Variants in NEGR1 observed in about 807,000 individuals in gnomAD.
NEGR1 encodes IgLON family member 4.
Under a neutral mutation model 40.9 loss-of-function variants are expected in NEGR1, and 10 were observed. That is an observed-to-expected ratio of 0.24 (90% CI 0.15 to 0.42). The LOEUF (loss-of-function observed/expected upper bound fraction) is 0.42, where lower values mean the gene tolerates loss of function less well. Ranked by LOEUF, NEGR1 falls within the 10% of genes least tolerant of loss-of-function variation. The pLI, the probability that NEGR1 is intolerant of heterozygous loss-of-function variation, is 1.00. For synonymous variants in NEGR1, 185 were observed against 166.8 expected (o/e 1.11, Z -0.84); for missense variants, 352 against 438.9 (o/e 0.80, Z 1.77).
At chr1:71,576,261 T>TG (rs1557573098) in intron 6 of NEGR1, among the ~76,000 whole-genome samples, 1 of 152,230 alleles carries the variant, frequency 6.6e-6, no homozygotes, top group African/African-American at 2.4e-5. Flanking sequence ...TTGGGTTTTT[T>TG]TTGTTGTTGT....
chr1:71,739,978 A>G (rs1307786363), intron 3 of NEGR1, among the ~76,000 whole-genome samples: 1 of 152,200 alleles, frequency 6.6e-6, no homozygotes, highest in Non-Finnish European at 1.5e-5. Flanking sequence ...ACTCCACTCC[A>G]GACATTCTTC....
intron 1 of NEGR1, among the ~76,000 whole-genome samples, chr1:72,276,517 A>C (rs2100566015): frequency 6.6e-6 from 1 of 152,290 alleles, no homozygotes; most frequent in South Asian, 2.1e-4. Context: ...TAAGAACGTT[A>C]TATATTTTCC....
chr1:71,887,258 G>A (rs1037041677), intron 2 of NEGR1, among the ~76,000 whole-genome samples: 6 of 152,140 alleles, frequency 3.9e-5, no homozygotes, highest in African/African-American at 1.4e-4. Context: ...AAGGGGAGGG[G>A]TTGGTCTTGC....
At chr1:71,757,796 C>T (rs1655793920) in intron 3 of NEGR1, among the ~76,000 whole-genome samples, 1 of 152,000 alleles carries the variant, frequency 6.6e-6, no homozygotes, top group Non-Finnish European at 1.5e-5. Context: ...TAAAATTTCA[C>T]CAGTTTAGAA....
At chr1:72,154,493 T>TA (rs887473707) in intron 1 of NEGR1, among the ~76,000 whole-genome samples, 6 of 152,044 alleles carry the variant, frequency 3.9e-5, no homozygotes, top group Admixed American at 3.9e-4. Flanking sequence ...GCAAAAGCAT[T>TA]AAAAAAATCC....
At chr1:72,093,401 C>A (rs1648572362) in intron 1 of NEGR1, among the ~76,000 whole-genome samples, 1 of 150,390 alleles carries the variant, frequency 6.6e-6, no homozygotes, top group Admixed American at 6.6e-5. Context: ...CTAACAATTT[C>A]ACATACAAAT....
intron 6 of NEGR1, among the ~76,000 whole-genome samples, chr1:71,448,608 A>G (rs571746555): frequency 1.3e-5 from 2 of 152,228 alleles, no homozygotes; most frequent in South Asian, 4.1e-4. Context: ...CAAAGAAAAA[A>G]AAAATGTCGC....
chr1:72,080,746 T>A (rs1216548691), intron 1 of NEGR1, among the ~76,000 whole-genome samples: 1 of 152,092 alleles, frequency 6.6e-6, no homozygotes. Context: ...CTCATAGGGT[T>A]GTTGGAAGCT....
At chr1:71,920,092 C>T (rs1386435470) in intron 2 of NEGR1, among the ~76,000 whole-genome samples, 2 of 152,134 alleles carry the variant, frequency 1.3e-5, no homozygotes, top group African/African-American at 4.8e-5. Context: ...CCTCCATTTT[C>T]CCCATTGCTT....
At chr1:72,004,610 G>A (rs530851248) in intron 1 of NEGR1, among the ~76,000 whole-genome samples, 84 of 152,128 alleles carry the variant, frequency 5.5e-4, no homozygotes, top group African/African-American at 2.0e-3. Context: ...TAACAGCAAA[G>A]TCTACATAAT....
chr1:71,544,429 T>C (rs1382718558), intron 6 of NEGR1, among the ~76,000 whole-genome samples: 3 of 151,658 alleles, frequency 2.0e-5, no homozygotes, highest in Non-Finnish European at 4.4e-5. Flanking sequence ...ATCTGCCTAC[T>C]TTATCTAACA....
At chr1:71,431,079 T>TA (rs140623221) in intron 6 of NEGR1, among the ~76,000 whole-genome samples, 58,295 of 150,784 alleles carry the variant, frequency 0.39, 13,638 homozygotes, top group Non-Finnish European at 0.52. Flanking sequence ...ATCTTTTTTT[T>TA]ATGACCTTTT....
intron 3 of NEGR1, among the ~76,000 whole-genome samples, chr1:71,705,567 G>C (rs866867365): frequency 1.3e-5 from 2 of 151,864 alleles, no homozygotes; most frequent in African/African-American, 4.8e-5. Context: ...ATTAAGAAAC[G>C]GGCCAGGCCT....
At chr1:71,583,988 G>A (rs1649222199) in intron 6 of NEGR1, among the ~76,000 whole-genome samples, 1 of 152,158 alleles carries the variant, frequency 6.6e-6, no homozygotes, top group Non-Finnish European at 1.5e-5. Flanking sequence ...TGAAAGAGAA[G>A]TGTTGCTTAA....
Position 71,675,126 on chromosome 1 carries a change from T to TATATATATATATATATATATATATATAC in NEGR1, c.667+22881_667+22882insGTATATATATATATATATATATATATAT, listed in dbSNP as rs145354058. Among the ~76,000 whole-genome samples, 82 of 77,814 alleles carry TATATATATATATATATATATATATATAC rather than the reference T, an allele frequency of 1.1e-3. 1 individual carries two copies. The highest frequency in any genetic ancestry group is 0.011 in the Middle Eastern group (1 of 92). The allele number at this position is 77,814 out of a possible 152,430, so 51.0% of individuals were successfully genotyped here. ...GCATGTTTATTCATATATATATATA[T>TATATATATATATATATATATATATATAC]ACACACACACATATGAATTCTTAGA... On this transcript the variant is annotated intron_variant, in intron 4 of 6. Coordinates refer to ENST00000357731, the MANE Select transcript of NEGR1 (RefSeq NM_173808.3).
At chr1:72,261,373 G>A (rs1655448934) in intron 1 of NEGR1, among the ~76,000 whole-genome samples, 1 of 152,040 alleles carries the variant, frequency 6.6e-6, no homozygotes, top group Admixed American at 6.6e-5. Context: ...TCTAATAAAT[G>A]TATAAGCATG....
chr1:71,699,532 A>G (rs962033116), intron 3 of NEGR1, among the ~76,000 whole-genome samples: 4 of 151,942 alleles, frequency 2.6e-5, no homozygotes, highest in African/African-American at 9.7e-5. Flanking sequence ...ATGTGTCTGT[A>G]AAACCTACTG....
At chr1:72,278,603 T>G (rs1656139841) in intron 1 of NEGR1, among the ~76,000 whole-genome samples, 1 of 152,070 alleles carries the variant, frequency 6.6e-6, no homozygotes, top group Non-Finnish European at 1.5e-5. Flanking sequence ...CAGAGTTATA[T>G]TCCCCTGAAT....
chr1:71,594,175 A>G (rs1223420613), intron 5 of NEGR1, among the ~76,000 whole-genome samples: 1 of 152,192 alleles, frequency 6.6e-6, no homozygotes, highest in African/African-American at 2.4e-5. Context: ...TTTTCCTACA[A>G]TGAGTATGTC....
Sources: gnomAD v4.1 joint callset for allele counts (sites outside exome capture counted in the v4.1 genomes callset) on GRCh38, gnomAD v4.1.1 for gene constraint, MANE v1.5 for transcripts, NCBI Gene and HGNC (gene_info 2026-07-23, HGNC 2026-07-21) for gene names.